Variants in TMEM132B observed in about 807,000 individuals in gnomAD.
TMEM132B encodes the protein transmembrane protein 132B.
In TMEM132B, 18 loss-of-function variants were observed where a neutral mutation model predicts 90.8. The observed-to-expected ratio is 0.20, with a 90% confidence interval of 0.14 to 0.29. The LOEUF (loss-of-function observed/expected upper bound fraction) is 0.29, where lower values mean the gene tolerates loss of function less well. Ranked by LOEUF, TMEM132B falls within the 10% of genes least tolerant of loss-of-function variation. The pLI is 1.00. For synonymous variants in TMEM132B, 504 were observed against 523.3 expected (o/e 0.96, Z 0.50); for missense variants, 1,096 against 1,326.8 (o/e 0.83, Z 2.70).
At position 125,650,634 on chromosome 12, in the gene TMEM132B, A is replaced by G. The variant is rs756303634; in HGVS notation, c.1644-49A>G. On this transcript the variant is annotated intron_variant, in intron 6 of 8. Transcript: ENST00000682704. ...AATCTGAAAAACAAGGGCATGCAGA[A>G]CTTCTTAACAATGAAGACTTTGTTC... 8 of 1,582,802 alleles carry G rather than the reference A, an allele frequency of 5.1e-6. No individual in the cohort carries two copies. The Admixed American group carries it at 1.4e-4, about 27-fold the overall frequency.
rs1565890246 is a variant in TMEM132B, at chr12:125,660,939, G to A, written c.*6229G>A. Reference sequence around the variant, plus strand: ...TAAAGCACTTTACAGAGAGATGGATGCCGCTTTGGGATTTGGGGTCTATGT... The same window carrying A: ...TAAAGCACTTTACAGAGAGATGGATACCGCTTTGGGATTTGGGGTCTATGT... On this transcript the variant is annotated 3_prime_UTR_variant, in exon 9 of 9. Coordinates refer to ENST00000682704, the MANE Select transcript of TMEM132B (RefSeq NM_001366854.1). The A allele has an allele frequency of 6.6e-6, 1 of 152,224 alleles. No homozygotes were observed. Among genetic ancestry groups the A allele is most frequent in the Non-Finnish European group, 1.5e-5 (1 of 68,064 alleles). 9.4% of individuals were successfully genotyped at this position (152,224 alleles called of 1,614,324 possible). A position where few individuals can be genotyped will look rare whatever the true frequency, so the allele number is the denominator to read the frequency against.
chr12:125,613,968 T>G (rs1885924703), intron 5 of TMEM132B, among the ~76,000 whole-genome samples: 1 of 152,130 alleles, frequency 6.6e-6, no homozygotes, highest in African/African-American at 2.4e-5. Context: ...CTGTTATTGT[T>G]AAATATATTA....
chr12:125,416,250 G>C (rs557154249), intron 3 of TMEM132B, among the ~76,000 whole-genome samples: 1 of 152,150 alleles, frequency 6.6e-6, no homozygotes, highest in South Asian at 2.1e-4. Flanking sequence ...ACTCTCACCT[G>C]TGTTGCAGCC....
At chr12:125,244,836 C>G (rs1186659133) in intron 1 of TMEM132B, among the ~76,000 whole-genome samples, 1 of 152,156 alleles carries the variant, frequency 6.6e-6, no homozygotes, top group East Asian at 1.9e-4. Context: ...GGTGGCAGCT[C>G]CTGAGCCGCT....
chr12:125,650,977 A>T, intron 7 of TMEM132B, 24 bp downstream of exon 7: 1 of 1,610,654 alleles, frequency 6.2e-7, no homozygotes, highest in Non-Finnish European at 8.5e-7. Flanking sequence ...TGCCTTGCCC[A>T]ACAGCAGTCT....
chr12:125,509,007 C>T (rs936191621), intron 3 of TMEM132B, among the ~76,000 whole-genome samples: 5 of 151,928 alleles, frequency 3.3e-5, no homozygotes, highest in Non-Finnish European at 7.4e-5. Context: ...TGGTCTGGAA[C>T]TCCTGGCCTT....
Position 125,405,959 on chromosome 12 carries a change from C to T in TMEM132B, c.960-9572C>T, listed in dbSNP as rs747617167. Among the ~76,000 whole-genome samples, 177 of 152,286 alleles carry T rather than the reference C, an allele frequency of 1.2e-3. 1 individual carries two copies. The highest frequency in any genetic ancestry group is 0.01 in the Middle Eastern group (3 of 294). The stretch of plus-strand genomic sequence containing the variant: ...GAGTTTGGACAGGACAGTTTATTAT[C>T]ATCAAGGCATTTGGTAGTATTGTCT... On this transcript the variant is annotated intron_variant, in intron 2 of 8. Coordinates refer to ENST00000682704, the MANE Select transcript of TMEM132B (RefSeq NM_001366854.1).
intron 2 of TMEM132B, among the ~76,000 whole-genome samples, chr12:125,359,501 A>G (rs1877893929): frequency 1.3e-5 from 2 of 152,142 alleles, no homozygotes; most frequent in South Asian, 4.1e-4. Flanking sequence ...GATATGATCC[A>G]AATAGTATTT....
intron 5 of TMEM132B, among the ~76,000 whole-genome samples, chr12:125,635,170 A>G (rs2137005114): frequency 6.6e-6 from 1 of 151,944 alleles, no homozygotes; most frequent in Admixed American, 6.6e-5. Context: ...TATACTTTAA[A>G]CTCTGGGGTA....
chr12:125,546,877 G>A (rs1186174669), intron 4 of TMEM132B, among the ~76,000 whole-genome samples: 1 of 152,346 alleles, frequency 6.6e-6, no homozygotes, highest in East Asian at 1.9e-4. Context: ...ATAAAGGAAA[G>A]AGGCTTAATT....
At chr12:125,637,329 A>G (rs1593036787) in intron 5 of TMEM132B, among the ~76,000 whole-genome samples, 1 of 152,310 alleles carries the variant, frequency 6.6e-6, no homozygotes, top group Non-Finnish European at 1.5e-5. Flanking sequence ...CGGAGATCTG[A>G]ACTTATTTCT....
At position 125,517,310 on chromosome 12, in the gene TMEM132B, G is replaced by A. The variant is rs191854677; in HGVS notation, c.1107-2129G>A. 4.0e-3 allele frequency among the ~76,000 whole-genome samples: 526 copies of A among 132,128 alleles called. 2 individuals carry two copies. The highest frequency in any genetic ancestry group is 6.2e-3 in the South Asian group (25 of 4,034). The allele number at this position is 132,128 out of a possible 152,430, so 86.7% of individuals were successfully genotyped here. ...TGAGTAGCTGGGACTACAGGCGCCC[G>A]CCACCATGCCCTGCTGATTTTTTTT... On this transcript the variant is annotated intron_variant, in intron 3 of 8. Transcript: ENST00000682704.
At chr12:125,461,551 A>G (rs1881436291) in intron 3 of TMEM132B, among the ~76,000 whole-genome samples, 1 of 152,250 alleles carries the variant, frequency 6.6e-6, no homozygotes, top group Admixed American at 6.5e-5. Flanking sequence ...GATTGTTTCA[A>G]GAGAAGTCAG....
intron 4 of TMEM132B, among the ~76,000 whole-genome samples, chr12:125,521,840 G>T (rs1338205662): frequency 6.6e-6 from 1 of 152,196 alleles, no homozygotes; most frequent in Non-Finnish European, 1.5e-5. Flanking sequence ...ATCTCATTCT[G>T]CTGGCTGAGG....
At chr12:125,242,222 C>T (rs1193071867) in intron 1 of TMEM132B, among the ~76,000 whole-genome samples, 1 of 152,152 alleles carries the variant, frequency 6.6e-6, no homozygotes, top group Non-Finnish European at 1.5e-5. Context: ...GTGATCATAG[C>T]TCACTGTAGC....
intron 2 of TMEM132B, among the ~76,000 whole-genome samples, chr12:125,384,609 G>T (rs373884353): frequency 1.1e-4 from 16 of 152,170 alleles, no homozygotes; most frequent in African/African-American, 3.9e-4. Context: ...ATCATTCTAT[G>T]CAGTAGATCA....
chr12:125,634,182 C>T (rs1256796051), intron 5 of TMEM132B, among the ~76,000 whole-genome samples: 2 of 152,188 alleles, frequency 1.3e-5, no homozygotes, highest in Non-Finnish European at 2.9e-5. Context: ...TTTCCAAATG[C>T]AGAGAAGCCT....
chr12:125,349,476 A>G lies in TMEM132B; in HGVS notation c.92A>G (p.Asp31Gly). 2.5e-6 allele frequency: 4 copies of G among 1,612,650 alleles called. No homozygotes were observed. The highest frequency in any genetic ancestry group is 3.4e-6 in the Non-Finnish European group (4 of 1,179,266). ...GTGACAGAGAGTCGAGGGATTGTGG[A>G]TAGCCTGCAGAAGTTTTCCTCGCTC... ...CPVTESRGIV[D>G]SLQKFSSLPA... Residue 31 changes from aspartate (D) to glycine (G), a missense_variant, in exon 2 of 9, where the codon GAT becomes GGT. Physicochemically the swap from Asp to Gly is moderately conservative, Grantham distance 94. Coordinates refer to ENST00000682704, the MANE Select transcript of TMEM132B (RefSeq NM_001366854.1). The surrounding 1 kb of genome is among the most constrained non-coding windows in gnomAD (Gnocchi z 4.1).
At chr12:125,344,333 A>C (rs1014820375) in intron 1 of TMEM132B, among the ~76,000 whole-genome samples, 1 of 152,198 alleles carries the variant, frequency 6.6e-6, no homozygotes. Context: ...CAAATTGGGG[A>C]TGATAAAGTA....
Sources: allele counts gnomAD v4.1 joint callset (sites outside exome capture counted in the v4.1 genomes callset), GRCh38; gene constraint gnomAD v4.1.1; non-coding constraint Gnocchi (gnomAD v3.1); transcripts MANE v1.5; gene names NCBI Gene and HGNC (gene_info 2026-07-23, HGNC 2026-07-21).